Variants in CD38 observed in about 807,000 individuals in gnomAD.
CD38 encodes CD38 molecule.
Under a neutral mutation model 36.3 loss-of-function variants are expected in CD38, and 31 were observed. The observed-to-expected ratio is 0.85, with a 90% CI of 0.64 to 1.15. The LOEUF (loss-of-function observed/expected upper bound fraction) is 1.15. Ranked by LOEUF, CD38 falls within the 50% of genes most tolerant of loss-of-function variation. The pLI is 0.00. For synonymous variants in CD38, 131 were observed against 135.2 expected, an observed-to-expected ratio of 0.97 and a Z score of 0.22; for missense variants, 380 against 371.9, an observed-to-expected ratio of 1.02 and a Z score of -0.18.
intron 3 of CD38, among the ~76,000 whole-genome samples, chr4:15,832,806 C>G (rs1388699257): frequency 6.6e-6 from 1 of 152,212 alleles, no homozygotes; most frequent in Non-Finnish European, 1.5e-5. Flanking sequence ...GTGTTCTTCT[C>G]TTCAGGTTGG....
In CD38 at chr4:15,842,043, T is replaced by G. The variant is rs1054951242; in HGVS notation, c.839+1505T>G. Among the ~76,000 whole-genome samples the G allele has an allele frequency of 3.6e-5, 5 of 140,132 alleles. 1 individual carries two copies. Among genetic ancestry groups the G allele is most frequent in the Non-Finnish European group, 6.1e-5 (4 of 65,878 alleles). 91.9% of individuals were successfully genotyped at this position (140,132 alleles called of 152,430 possible). ...AACAAAGCAGCCAGGAAGCTCGAAC[T>G]GGGTGGAGCCCACCACAGCTCAAGG... On this transcript the variant is annotated intron_variant, in intron 7 of 7. Transcript: ENST00000226279.
intron 4 of CD38, among the ~76,000 whole-genome samples, chr4:15,837,787 C>A (rs1030722211): frequency 1.3e-5 from 2 of 152,160 alleles, no homozygotes; most frequent in African/African-American, 4.8e-5. Flanking sequence ...TCATCTTCCC[C>A]CTCTAGACAT....
At chr4:15,802,491 GTTTTATTTTATTTTATTTTA>G (rs56373639) in intron 1 of CD38, among the ~76,000 whole-genome samples, 11,523 of 134,132 alleles carry the variant, frequency 0.086, 586 homozygotes, top group African/African-American at 0.14. Flanking sequence ...GCAATTGTTT[GTTTTATTTTATTTTATTTTA>G]TTTTATTTTA....
chr4:15,786,003 G>A (rs555600824), intron 1 of CD38, among the ~76,000 whole-genome samples: 3 of 150,984 alleles, frequency 2.0e-5, no homozygotes, highest in Admixed American at 6.6e-5. Context: ...GTCTGGAGTT[G>A]TTCGTTCCTC....
chr4:15,791,527 T>G (rs1427251734), intron 1 of CD38, among the ~76,000 whole-genome samples: 11 of 28,444 alleles, frequency 3.9e-4, no homozygotes, highest in Admixed American at 9.8e-4. Flanking sequence ...GGGAGGGAGG[T>G]GGGGGGATCA....
chr4:15,808,630 G>A (rs965048071), intron 1 of CD38, among the ~76,000 whole-genome samples: 2 of 152,224 alleles, frequency 1.3e-5, no homozygotes, highest in African/African-American at 2.4e-5. Context: ...TCAGTGTGGG[G>A]TGATTTCTCC....
Position 15,821,689 on chromosome 4 carries a change from C to T in CD38, c.364-3192C>T, listed in dbSNP as rs553931418. 7.1e-3 allele frequency among the ~76,000 whole-genome samples: 928 copies of T among 130,776 alleles called. 14 individuals carry two copies. The highest frequency in any genetic ancestry group is 0.029 in the African/African-American group (883 of 30,768). 85.8% of individuals were successfully genotyped at this position (130,776 alleles called of 152,430 possible). On this transcript the variant is annotated intron_variant, in intron 2 of 7. Transcript: ENST00000226279. ...TCTATAATTGAGGCAGTAATAAATA[C>T]CAACCAAAAAAAAAAAAAAAAAAGC...
intron 5 of CD38, among the ~76,000 whole-genome samples, chr4:15,839,114 T>A (rs1013241890): frequency 1.3e-5 from 2 of 152,234 alleles, no homozygotes; most frequent in African/African-American, 4.8e-5. Context: ...TTTTCTTCTC[T>A]CCTGTTTTAA....
At position 15,788,482 on chromosome 4, in the gene CD38, T is replaced by C. The variant is rs1299158507; in HGVS notation, c.233+9835T>C. On this transcript the variant is annotated intron_variant, in intron 1 of 7. Coordinates refer to ENST00000226279, the MANE Select transcript of CD38 (RefSeq NM_001775.4). ...AAAGTGACTGACATATGAGCGCAGG[T>C]CCCCAAACAGAGGGGAGGCAGGATG... is the stretch of plus-strand genomic sequence containing the variant. Among the ~76,000 whole-genome samples, 3 of 150,542 alleles carry C rather than the reference T, an allele frequency of 2.0e-5. 1 individual carries two copies. The highest frequency in any genetic ancestry group is 1.5e-5 in the Non-Finnish European group (1 of 67,584).
At chr4:15,802,733 T>C (rs78578911) in intron 1 of CD38, among the ~76,000 whole-genome samples, 71 of 151,986 alleles carry the variant, frequency 4.7e-4, no homozygotes, top group African/African-American at 1.6e-3. Context: ...TTAGTAGAGA[T>C]AGGGTTTCAC....
Position 15,832,445 on chromosome 4 carries a change from C to T in CD38, c.500-1772C>T, listed in dbSNP as rs570557824. Among the ~76,000 whole-genome samples, 10 of 152,272 alleles carry T rather than the reference C, an allele frequency of 6.6e-5. No individual in the cohort carries two copies. In the South Asian group the frequency reaches 8.3e-4, roughly 13 times the overall value. ...TGAAGGACTCGGATGTTGTGATCTA[C>T]GTTGTATCTGCTGTAGGGGGCCCTG... On this transcript the variant is annotated intron_variant, in intron 3 of 7. Transcript: ENST00000226279.
At position 15,840,472 on chromosome 4, in the gene CD38, C is replaced by T. The variant is rs147160884; in HGVS notation, c.773C>T (p.Thr258Ile). 10 of 1,602,610 alleles carry T rather than the reference C, an allele frequency of 6.2e-6. No homozygotes were observed. Among genetic ancestry groups the T allele is most frequent in the Non-Finnish European group, 8.5e-6 (10 of 1,170,268 alleles). The change falls in exon 7 of 8, where the codon ACC (threonine) becomes ATC (isoleucine). Residue 258 changes from threonine to isoleucine, a missense_variant. Coordinates refer to ENST00000226279, the MANE Select transcript of CD38 (RefSeq NM_001775.4). ...EDSRDLCQDPTIKELESIISK... is the reference protein window; with the variant it reads ...EDSRDLCQDPIIKELESIISK... ...CCCAGAGACTTATGCCAGGATCCCACCATAAAAGAGCTGGAATCGATTATA... is the reference window on the plus strand; with the variant it reads ...CCCAGAGACTTATGCCAGGATCCCATCATAAAAGAGCTGGAATCGATTATA...
chr4:15,778,570 T>C lies in CD38; in HGVS notation c.156T>C (p.Gly52=). Residue 52 remains glycine (G), a synonymous_variant, in exon 1 of 8, where the codon GGT becomes GGC. Coordinates refer to ENST00000226279, the MANE Select transcript of CD38 (RefSeq NM_001775.4). The surrounding 1 kb of genome is among the most constrained non-coding windows in gnomAD (Gnocchi z 4.9). The part of the protein sequence containing the change: ...VVPRWRQQWS[G]PGTTKRFPET... The stretch of plus-strand genomic sequence containing the variant: ...CGAGGTGGCGCCAGCAGTGGAGCGG[T>C]CCGGGCACCACCAAGCGCTTTCCCG... 6.2e-7 allele frequency: 1 copy of C among 1,613,474 alleles called. No homozygotes were observed. Among genetic ancestry groups the C allele is most frequent in the Non-Finnish European group, 8.5e-7 (1 of 1,179,986 alleles).
intron 1 of CD38, among the ~76,000 whole-genome samples, chr4:15,792,955 T>C (rs1723036428): frequency 6.6e-6 from 1 of 152,218 alleles, no homozygotes; most frequent in African/African-American, 2.4e-5. Flanking sequence ...CCCTCCCCCA[T>C]TTAAGAGTGC....
At chr4:15,782,485 C>T (rs1338123903) in intron 1 of CD38, among the ~76,000 whole-genome samples, 1 of 152,168 alleles carries the variant, frequency 6.6e-6, no homozygotes, top group African/African-American at 2.4e-5. Flanking sequence ...CCTGGAATGT[C>T]TTCTTGAGCC....
rs766331893 is a variant in CD38 at position 15,834,306 on chromosome 4, A to G, written c.585+4A>G. The G allele has an allele frequency of 8.9e-6, 14 of 1,581,858 alleles. No homozygotes were observed. The East Asian group carries it at 3.1e-4, about 35-fold the overall frequency. ...CTGGAAAACGGTTTCCCGCAGGGTA[A>G]GTACCAAGTAGTGAAATTCTAGAGC... On this transcript the variant is annotated splice_donor_region_variant and intron_variant, in intron 4 of 7. Transcript: ENST00000226279.
chr4:15,789,451 G>A (rs1229557716), intron 1 of CD38, among the ~76,000 whole-genome samples: 1 of 152,172 alleles, frequency 6.6e-6, no homozygotes, highest in African/African-American at 2.4e-5. Flanking sequence ...ACATTTAAAA[G>A]TGGTTAGTTT....
intron 1 of CD38, among the ~76,000 whole-genome samples, chr4:15,804,003 C>CA (rs1247949009): frequency 2.6e-5 from 4 of 152,198 alleles, no homozygotes; most frequent in African/African-American, 9.6e-5. Flanking sequence ...TTTGTGGCTG[C>CA]ATGGTATTCC....
At chr4:15,810,081 GT>G (rs1723433421) in intron 1 of CD38, among the ~76,000 whole-genome samples, 1 of 152,198 alleles carries the variant, frequency 6.6e-6, no homozygotes, top group South Asian at 2.1e-4. Context: ...AGGGCAGAGA[GT>G]TAAGTTACAA....
Sources: gnomAD v4.1 joint callset for allele counts (sites outside exome capture counted in the v4.1 genomes callset) on GRCh38, gnomAD v4.1.1 for gene constraint, Gnocchi (gnomAD v3.1) non-coding constraint, MANE v1.5 for transcripts, NCBI Gene and HGNC (gene_info 2026-07-23, HGNC 2026-07-21) for gene names.